Variants in BHMT observed in about 807,000 individuals in gnomAD.
BHMT encodes the protein betaine--homocysteine S-methyltransferase.
In BHMT, 38 loss-of-function variants were observed where a neutral mutation model predicts 49.5. That is an observed-to-expected ratio of 0.77 (90% CI 0.59 to 1.01). The LOEUF (loss-of-function observed/expected upper bound fraction) is 1.01, where lower values mean the gene tolerates loss of function less well. BHMT is among the 50% of genes least tolerant of loss of function. BHMT has a pLI of 0.00. For missense variants in BHMT, 426 were observed against 495.7 expected (o/e 0.86, Z 1.34); for synonymous variants, 166 against 176.3 (o/e 0.94, Z 0.46).
At chr5:79,127,107 G>A (rs916813057) in intron 6 of BHMT, among the ~76,000 whole-genome samples, 2 of 152,166 alleles carry the variant, frequency 1.3e-5, no homozygotes, top group African/African-American at 4.8e-5. Flanking sequence ...AGTTTCTCCA[G>A]GTCAAGAATT....
chr5:79,119,422 C>A, intron 3 of BHMT, 45 bp downstream of exon 3: 1 of 1,470,360 alleles, frequency 6.8e-7, no homozygotes, highest in South Asian at 1.2e-5. Context: ...TATTGTCGAC[C>A]TATTGCATCA....
At chr5:79,115,640 T>A in intron 1 of BHMT, 127 bp from the exon 2 acceptor site, 1 of 1,077,210 alleles carries the variant, frequency 9.3e-7, no homozygotes, top group Non-Finnish European at 1.3e-6. Flanking sequence ...ATATAAAATA[T>A]ACATTTTTCT....
At chr5:79,128,019 T>A (rs1300595311) in intron 7 of BHMT, 36 bp downstream of exon 7, 1 of 1,572,522 alleles carries the variant, frequency 6.4e-7, no homozygotes, top group Non-Finnish European at 8.6e-7. Context: ...CTAATTTAGA[T>A]TATGAATATG....
At chr5:79,128,966 AG>A (rs1756596050) in intron 7 of BHMT, among the ~76,000 whole-genome samples, 1 of 152,236 alleles carries the variant, frequency 6.6e-6, no homozygotes, top group Non-Finnish European at 1.5e-5. Context: ...TAACAAGAGA[AG>A]AGAATGACTA....
chr5:79,112,969 G>C (rs1756328928), intron 1 of BHMT, among the ~76,000 whole-genome samples: 1 of 152,164 alleles, frequency 6.6e-6, no homozygotes, highest in African/African-American at 2.4e-5. Context: ...GGCAGATGGG[G>C]CCAGGCCAAC....
At chr5:79,130,137 G>C (rs910689453) in intron 7 of BHMT, among the ~76,000 whole-genome samples, 1 of 152,038 alleles carries the variant, frequency 6.6e-6, no homozygotes, top group African/African-American at 2.4e-5. Context: ...TCGTACCACT[G>C]CACTCCAGAC....
chr5:79,131,811 T>G lies in BHMT; in HGVS notation c.*695T>G, dbSNP rs1756647261. On this transcript the variant is annotated 3_prime_UTR_variant, in exon 8 of 8. Coordinates refer to ENST00000274353, the MANE Select transcript of BHMT (RefSeq NM_001713.3). ...ATAAGTAGGTCAGTCATATGAGACC[T>G]GATCAATAAATATCCAATACCCAGA... 1 of 152,236 alleles carries G rather than the reference T, an allele frequency of 6.6e-6. No individual in the cohort carries two copies. The highest frequency in any genetic ancestry group is 2.1e-4 in the South Asian group (1 of 4,832). 9.4% of individuals were successfully genotyped at this position (152,236 alleles called of 1,614,324 possible). A position where few individuals can be genotyped will look rare whatever the true frequency, so the allele number is the denominator to read the frequency against.
intron 4 of BHMT, 56 bp from the exon 5 acceptor site, chr5:79,121,162 A>T: frequency 6.3e-7 from 1 of 1,585,338 alleles, no homozygotes; most frequent in Non-Finnish European, 8.6e-7. Flanking sequence ...AAAAAAAAAA[A>T]AAAATTGTTT....
intron 5 of BHMT, among the ~76,000 whole-genome samples, chr5:79,123,938 T>C (rs549615939): frequency 6.6e-6 from 1 of 152,288 alleles, no homozygotes; most frequent in African/African-American, 2.4e-5. Context: ...ATCCATACAA[T>C]GAAATATCAT....
chr5:79,128,965 A>G (rs976980575), intron 7 of BHMT, among the ~76,000 whole-genome samples: 1 of 152,174 alleles, frequency 6.6e-6, no homozygotes, highest in Admixed American at 6.5e-5. Flanking sequence ...GTAACAAGAG[A>G]AGAGAATGAC....
At position 79,128,528 on chromosome 5, in the gene BHMT, T is replaced by TAAA. The variant is rs376054592; in HGVS notation, c.1037+545_1037+546insAAA. The stretch of plus-strand genomic sequence containing the variant: ...TTGGGCAACAGAGTGAGACCCTGTT[T>TAAA]TAAAAAAAAAAAAAAAAAAGAATAT... On this transcript the variant is annotated intron_variant, in intron 7 of 7. Transcript: ENST00000274353. Among the ~76,000 whole-genome samples the TAAA allele has an allele frequency of 7.6e-3, 1,006 of 132,950 alleles. 31 individuals are homozygous for TAAA. Among genetic ancestry groups the TAAA allele is most frequent in the East Asian group, 0.019 (83 of 4,434 alleles). The allele number at this position is 132,950 out of a possible 152,430, so 87.2% of individuals were successfully genotyped here.
At chr5:79,122,709 T>C (rs1756489995) in intron 5 of BHMT, among the ~76,000 whole-genome samples, 2 of 151,204 alleles carry the variant, frequency 1.3e-5, no homozygotes, top group African/African-American at 2.4e-5. Flanking sequence ...GATGAATATA[T>C]ATATATAAAA....
At chr5:79,121,937 C>CTTGTT (rs931131421) in intron 5 of BHMT, among the ~76,000 whole-genome samples, 3 of 150,708 alleles carry the variant, frequency 2.0e-5, no homozygotes, top group South Asian at 2.1e-4. Context: ...AAGCAGATAT[C>CTTGTT]TTGTTTTGTT....
At chr5:79,116,058 T>A (rs1561252311) in intron 2 of BHMT, 159 bp downstream of exon 2, 2 of 933,060 alleles carry the variant, frequency 2.1e-6, no homozygotes, top group Non-Finnish European at 2.9e-6. Context: ...CTCTCAGAAG[T>A]TTTTTAAAAA....
At chr5:79,121,048 G>T (rs142307171) in intron 4 of BHMT, among the ~76,000 whole-genome samples, 170 bp from the exon 5 acceptor site, 1 of 151,962 alleles carries the variant, frequency 6.6e-6, no homozygotes, top group Admixed American at 6.6e-5. Context: ...CTACTTGGGA[G>T]GCGGAGGCAG....
At chr5:79,126,422 C>A in intron 6 of BHMT, 194 bp downstream of exon 6, 1 of 557,070 alleles carries the variant, frequency 1.8e-6, no homozygotes, top group Non-Finnish European at 3.1e-6. Context: ...AAGGATGGTC[C>A]CAGCTAGCAA....
rs1025742588 is a variant in BHMT, at chr5:79,131,676, T to C, written c.*560T>C. 2.6e-5 allele frequency: 4 copies of C among 152,246 alleles called. No individual in the cohort carries two copies. The highest frequency in any genetic ancestry group is 9.6e-5 in the African/African-American group (4 of 41,462). The allele number at this position is 152,246 out of a possible 1,614,324, so 9.4% of individuals were successfully genotyped here. A position where few individuals can be genotyped will look rare whatever the true frequency, so the allele number is the denominator to read the frequency against. On this transcript the variant is annotated 3_prime_UTR_variant, in exon 8 of 8. Coordinates refer to ENST00000274353, the MANE Select transcript of BHMT (RefSeq NM_001713.3). ...CTATTTCATTTATAAAACATGCTAGTTGAGACTTTTCAAATGGATTTTTAT... is the reference window on the plus strand; with the variant it reads ...CTATTTCATTTATAAAACATGCTAGCTGAGACTTTTCAAATGGATTTTTAT...
intron 1 of BHMT, 61 bp downstream of exon 1, chr5:79,111,979 C>T (rs772437248): frequency 1.3e-6 from 2 of 1,482,762 alleles, no homozygotes; most frequent in Non-Finnish European, 1.8e-6. Context: ...TGTATCCCAG[C>T]CTCTGGGAGC....
At chr5:79,119,168 A>C (rs780086470) in intron 2 of BHMT, 91 bp from the exon 3 acceptor site, 19 of 994,842 alleles carry the variant, frequency 1.9e-5, no homozygotes, top group Non-Finnish European at 2.8e-5. Context: ...AAATTCAAGC[A>C]GTTGTTTTCC....
Sources: allele counts gnomAD v4.1 joint callset (sites outside exome capture counted in the v4.1 genomes callset), GRCh38; gene constraint gnomAD v4.1.1; transcripts MANE v1.5; gene names NCBI Gene and HGNC (gene_info 2026-07-23, HGNC 2026-07-21).